Variants in FAM53B observed in about 807,000 individuals in gnomAD.
FAM53B encodes family with sequence similarity 53 member B.
FAM53B carries 12 observed loss-of-function variants against 32.7 expected under a neutral mutation model. That is an observed-to-expected ratio of 0.37 (90% CI 0.24 to 0.59). FAM53B has a LOEUF of 0.59. FAM53B is among the 20% of genes least tolerant of loss of function. FAM53B has a pLI of 0.72. For synonymous variants in FAM53B, 234 were observed against 228.7 expected (o/e 1.02, Z -0.21); for missense variants, 477 against 577.7 (o/e 0.83, Z 1.79).
rs956471443 is a variant in FAM53B at position 124,689,255 on chromosome 10, G to A, written c.134-6876C>T. ...GGCGGTTTTGCTAAACTGATCTTAC[G>A]AAAAGAACATGGGGGTGGGGGGGAC... is the stretch of plus-strand genomic sequence containing the variant. On this transcript the variant is annotated intron_variant, in intron 3 of 4. Coordinates refer to ENST00000337318, the MANE Select transcript of FAM53B (RefSeq NM_014661.4). 2.6e-5 allele frequency among the ~76,000 whole-genome samples: 4 copies of A among 152,230 alleles called. No homozygotes were observed. The South Asian group carries it at 6.2e-4, about 24-fold the overall frequency.
chr10:124,738,854 T>A (rs1007954892), intron 1 of FAM53B, among the ~76,000 whole-genome samples: 2 of 152,106 alleles, frequency 1.3e-5, no homozygotes, highest in African/African-American at 4.8e-5. Context: ...GAAAATGGAA[T>A]CTGAATAAAT....
At chr10:124,637,169 T>C (rs1949437915) in intron 4 of FAM53B, among the ~76,000 whole-genome samples, 2 of 152,032 alleles carry the variant, frequency 1.3e-5, no homozygotes. Flanking sequence ...TAGATGCACC[T>C]CTGGGGACCT....
chr10:124,692,701 C>T (rs1051258863), intron 3 of FAM53B, among the ~76,000 whole-genome samples: 3 of 108,698 alleles, frequency 2.8e-5, no homozygotes, highest in Non-Finnish European at 5.1e-5. Context: ...GGAGACAGAG[C>T]GATACTCCAT....
At chr10:124,726,616 C>T (rs1053898462) in intron 1 of FAM53B, among the ~76,000 whole-genome samples, 3 of 152,060 alleles carry the variant, frequency 2.0e-5, no homozygotes, top group African/African-American at 4.8e-5. Context: ...GTTGACTATG[C>T]GGTGAAATAC....
intron 4 of FAM53B, among the ~76,000 whole-genome samples, chr10:124,657,169 T>TATATATGTGTATATATGTGTGTATATAC (rs1949597812): frequency 1.2e-4 from 2 of 17,098 alleles, no homozygotes; most frequent in Non-Finnish European, 8.1e-4. Flanking sequence ...TGTGTATATA[T>TATATATGTGTATATATGTGTGTATATAC]ATATGTACAT....
chr10:124,667,340 C>A (rs775012240), intron 4 of FAM53B: 36 of 724,652 alleles, frequency 5.0e-5, no homozygotes, highest in Non-Finnish European at 8.4e-5. Context: ...GGCTTGAGTT[C>A]TGGTTTCACT....
At position 124,623,131 on chromosome 10, in the gene FAM53B, G is replaced by A; in HGVS notation, c.*111C>T. The stretch of plus-strand genomic sequence containing the variant: ...CTCTCTGGGACCCGACACCACTCAG[G>A]AAGCTTTCATCAGGCCCACGAGTTG... On this transcript the variant is annotated 3_prime_UTR_variant, in exon 5 of 5. Coordinates refer to ENST00000337318, the MANE Select transcript of FAM53B (RefSeq NM_014661.4). 2 of 1,391,972 alleles carry A rather than the reference G, an allele frequency of 1.4e-6. No individual in the cohort carries two copies. Among genetic ancestry groups the A allele is most frequent in the Non-Finnish European group, 1.9e-6 (2 of 1,034,574 alleles). 86.2% of individuals were successfully genotyped at this position (1,391,972 alleles called of 1,614,324 possible). A position where few individuals can be genotyped will look rare whatever the true frequency, so the allele number is the denominator to read the frequency against.
chr10:124,734,800 C>T (rs1223420822), intron 1 of FAM53B, among the ~76,000 whole-genome samples: 3 of 152,202 alleles, frequency 2.0e-5, no homozygotes, highest in Non-Finnish European at 4.4e-5. Context: ...CCACAGGATG[C>T]CAGCCAGCCC....
At chr10:124,659,815 T>C (rs1949617709) in intron 4 of FAM53B, among the ~76,000 whole-genome samples, 1 of 152,250 alleles carries the variant, frequency 6.6e-6, no homozygotes, top group Admixed American at 6.5e-5. Flanking sequence ...TGCTTTTGTT[T>C]TGTTTTTTGA....
intron 1 of FAM53B, among the ~76,000 whole-genome samples, chr10:124,716,301 C>T (rs1589762116): frequency 6.6e-6 from 1 of 152,210 alleles, no homozygotes; most frequent in African/African-American, 2.4e-5. Context: ...TTGACCTGGG[C>T]CCCTGGCTGA....
In FAM53B at chr10:124,641,923, T is replaced by C. The variant is rs543694429; in HGVS notation, c.907-18319A>G. Among the ~76,000 whole-genome samples the C allele has an allele frequency of 7.9e-5, 12 of 152,362 alleles. No homozygotes were observed. The South Asian group carries it at 2.5e-3, about 32-fold the overall frequency. ...ACCCCCAGGAGGCCTGTGCCAGTGATACTATTTTATAGTTGAGGAAACAGA... is the reference window on the plus strand; with the variant it reads ...ACCCCCAGGAGGCCTGTGCCAGTGACACTATTTTATAGTTGAGGAAACAGA... On this transcript the variant is annotated intron_variant, in intron 4 of 4. Transcript: ENST00000337318.
intron 3 of FAM53B, among the ~76,000 whole-genome samples, chr10:124,694,766 TGGG>T (rs1220397051): frequency 2.0e-5 from 3 of 152,174 alleles, no homozygotes; most frequent in Non-Finnish European, 4.4e-5. Context: ...TTCAATCCTG[TGGG>T]GACGGGCCTC....
intron 2 of FAM53B, among the ~76,000 whole-genome samples, chr10:124,701,868 C>T (rs959923321): frequency 5.9e-5 from 9 of 152,312 alleles, no homozygotes; most frequent in African/African-American, 2.2e-4. Context: ...CTTTTTCCCA[C>T]ATCTTTCTTT....
In FAM53B at chr10:124,720,267, T is replaced by A. The variant is rs982484649; in HGVS notation, c.-174-13380A>T. 7.8e-4 allele frequency among the ~76,000 whole-genome samples: 117 copies of A among 149,910 alleles called. 2 individuals are homozygous for A. Among genetic ancestry groups the A allele is most frequent in the Non-Finnish European group, 3.0e-5 (2 of 67,658 alleles). Reference sequence around the variant, plus strand: ...ATGTTCTCAGACTTAAAAATAATAATAATACCAGCCTAGGCAATATAGTGA... The same window carrying A: ...ATGTTCTCAGACTTAAAAATAATAAAAATACCAGCCTAGGCAATATAGTGA... On this transcript the variant is annotated intron_variant, in intron 1 of 4. Transcript: ENST00000337318.
Position 124,681,859 on chromosome 10 carries a change from C to T in FAM53B, c.654G>A (p.Val218=). The T allele has an allele frequency of 1.9e-6, 3 of 1,613,176 alleles. No homozygotes were observed. The South Asian group carries it at 3.3e-5, about 18-fold the overall frequency. ...GCTGCAGGTCCAGCCGGCCTCCTCCCACGGGGTGCAGGTCAGGGCTCCAGG... is the reference window on the plus strand; with the variant it reads ...GCTGCAGGTCCAGCCGGCCTCCTCCTACGGGGTGCAGGTCAGGGCTCCAGG... ...GDTWSPDLHP[V]GGGRLDLQRS... The change falls in exon 4 of 5, where the codon GTG becomes GTA. Residue 218 remains valine (V), a synonymous_variant. Coordinates refer to ENST00000337318, the MANE Select transcript of FAM53B (RefSeq NM_014661.4).
At chr10:124,723,241 T>A (rs1321746634) in intron 1 of FAM53B, among the ~76,000 whole-genome samples, 1 of 152,264 alleles carries the variant, frequency 6.6e-6, no homozygotes, top group Non-Finnish European at 1.5e-5. Context: ...CACAAAGAGC[T>A]GCTCAGGAAA....
intron 4 of FAM53B, among the ~76,000 whole-genome samples, chr10:124,665,292 C>T (rs936333384): frequency 6.6e-6 from 1 of 152,230 alleles, no homozygotes; most frequent in Admixed American, 6.5e-5. Context: ...CAGGGCCATC[C>T]TTCGCTGCCC....
intron 4 of FAM53B, among the ~76,000 whole-genome samples, chr10:124,675,649 G>A (rs1005070887): frequency 2.0e-5 from 3 of 152,232 alleles, no homozygotes; most frequent in Non-Finnish European, 2.9e-5. Context: ...CACACCCCCA[G>A]TTATCTGACT....
rs147443337 is a variant in FAM53B, at chr10:124,709,725, G to T, written c.-174-2838C>A. ...ATGTGGCCTTCAAAAATATTTTAAT[G>T]AGCCAGTTCAAACTGTACAGATATG... On this transcript the variant is annotated intron_variant, in intron 1 of 4. Coordinates refer to ENST00000337318, the MANE Select transcript of FAM53B (RefSeq NM_014661.4). Among the ~76,000 whole-genome samples the T allele has an allele frequency of 2.0e-5, 3 of 151,934 alleles. No homozygotes were observed. The East Asian group carries it at 5.8e-4, about 29-fold the overall frequency.
Sources: allele counts gnomAD v4.1 joint callset (sites outside exome capture counted in the v4.1 genomes callset), GRCh38; gene constraint gnomAD v4.1.1; transcripts MANE v1.5; gene names NCBI Gene and HGNC (gene_info 2026-07-23, HGNC 2026-07-21).